The following MTCL1 variants were observed in gnomAD, a reference collection of about 807,000 sequenced individuals.
The protein encoded by MTCL1 is microtubule cross-linking factor 1.
Under a neutral mutation model 141.4 loss-of-function variants are expected in MTCL1, and 79 were observed. The ratio of observed to expected loss-of-function variants is 0.56; its 90% confidence interval spans 0.47 to 0.67. The LOEUF (loss-of-function observed/expected upper bound fraction) is 0.67, where lower values mean the gene tolerates loss of function less well. Ranked by LOEUF, MTCL1 falls within the 30% of genes least tolerant of loss-of-function variation. The pLI, the probability that MTCL1 is intolerant of heterozygous loss-of-function variation, is 0.00. For missense variants in MTCL1, 2,177 were observed against 2,113.9 expected (o/e 1.03, Z -0.59); for synonymous variants, 914 against 875.8 (o/e 1.04, Z -0.77).
intron 5 of MTCL1, among the ~76,000 whole-genome samples, chr18:8,782,984 G>A (rs2096537806): frequency 6.6e-6 from 1 of 152,168 alleles, no homozygotes; most frequent in South Asian, 2.1e-4. Flanking sequence ...TCTCATTTGG[G>A]GTGGCCTGAC....
At chr18:8,807,162 CTTGTCCAGG>C in intron 11 of MTCL1, 102 bp downstream of exon 10, 4 of 1,243,150 alleles carry the variant, frequency 3.2e-6, no homozygotes, top group Admixed American at 5.3e-5. Flanking sequence ...CCATGGGCTT[CTTGTCCAGG>C]AAAAAAAGAG....
intron 4 of MTCL1, among the ~76,000 whole-genome samples, chr18:8,738,007 T>G (rs539486163): frequency 6.6e-6 from 1 of 152,332 alleles, no homozygotes; most frequent in South Asian, 2.1e-4. Context: ...GATTTCTCCT[T>G]CAATAGTATT....
chr18:8,739,719 T>C (rs1166496810), intron 4 of MTCL1, among the ~76,000 whole-genome samples: 3 of 92,078 alleles, frequency 3.3e-5, no homozygotes, highest in Non-Finnish European at 2.1e-5. Context: ...GGAGATTGTT[T>C]TGTTTGTTTG....
chr18:8,716,745 A>AT (rs573676660), upstream of MTCL1, among the ~76,000 whole-genome samples: 39 of 151,084 alleles, frequency 2.6e-4, no homozygotes, highest in East Asian at 7.8e-4. Context: ...TATAGGAGAG[A>AT]TTTTTTTTTC....
chr18:8,745,635 G>A (rs1046077961), intron 4 of MTCL1, among the ~76,000 whole-genome samples: 1 of 152,150 alleles, frequency 6.6e-6, no homozygotes, highest in Non-Finnish European at 1.5e-5. Context: ...CGGTGCCCAC[G>A]TGCAGCAAGT....
chr18:8,792,234 T>A (rs191562552), intron 7 of MTCL1, among the ~76,000 whole-genome samples: 1 of 152,262 alleles, frequency 6.6e-6, no homozygotes, highest in Non-Finnish European at 1.5e-5. Flanking sequence ...CTGAGATTTT[T>A]AGCATAAGAG....
Position 8,779,256 on chromosome 18 carries a change from C to G in MTCL1, c.417+1364C>G, listed in dbSNP as rs2096524618. Among the ~76,000 whole-genome samples, 1 of 152,110 alleles carries G rather than the reference C, an allele frequency of 6.6e-6. No homozygotes were observed. The highest frequency in any genetic ancestry group is 2.1e-4 in the South Asian group (1 of 4,814). Reference sequence around the variant, plus strand: ...GATGGTGGTGGGCCCCTGGGTGTCTCCCCTCCTGGCCATGCCTGCCCTCTG... The same window carrying G: ...GATGGTGGTGGGCCCCTGGGTGTCTGCCCTCCTGGCCATGCCTGCCCTCTG... On this transcript the variant is annotated intron_variant, in intron 5 of 16. Coordinates refer to ENST00000359865, the Ensembl canonical transcript of MTCL1. The surrounding 1 kb of genome is among the most constrained non-coding windows in gnomAD (Gnocchi z 4.1).
rs575149143 is a variant in MTCL1 at position 8,709,260 on chromosome 18, A to G, written c.1053+2547A>G. ...CAGGCTGGAGTGCAGTGGCATGATC[A>G]TAGCTCACTACAACCTTGAACCCGT... On this transcript the variant is annotated intron_variant, in intron 1 of 13. Coordinates refer to the MTCL1 transcript ENST00000306329. 1.2e-4 allele frequency among the ~76,000 whole-genome samples: 18 copies of G among 151,980 alleles called. No individual in the cohort carries two copies. The East Asian group carries it at 2.9e-3, about 25-fold the overall frequency.
At chr18:8,736,919 C>T (rs766565136) in intron 4 of MTCL1, among the ~76,000 whole-genome samples, 24 of 152,166 alleles carry the variant, frequency 1.6e-4, no homozygotes, top group Non-Finnish European at 2.6e-4. Flanking sequence ...GGATTACAGG[C>T]GTGAGCCACT....
Position 8,705,998 on chromosome 18 carries a change from C to T in MTCL1, c.338C>T (p.Pro113Leu), listed in dbSNP as rs2096057415. The T allele has an allele frequency of 1.7e-6, 2 of 1,153,564 alleles. No homozygotes were observed. The highest frequency in any genetic ancestry group is 2.1e-6 in the Non-Finnish European group (2 of 939,210). 71.5% of individuals were successfully genotyped at this position (1,153,564 alleles called of 1,614,324 possible). A position where few individuals can be genotyped will look rare whatever the true frequency, so the allele number is the denominator to read the frequency against. Residue 113 changes from proline (P) to leucine (L), a missense_variant, in exon 1 of 14, where the codon CCG (proline) becomes CTG (leucine). Pro to Leu is a moderately conservative substitution (Grantham distance 98). Coordinates refer to the MTCL1 transcript ENST00000306329. This position sits in a 1 kb window ranked among gnomAD's most constrained non-coding sequence, Gnocchi z 5.2. ...CCGGGCGCGAAGGACAAGCCCCCGC[C>T]GGGCGCCGGGGCCAGAGCGGCGGGC...
At chr18:8,829,352 T>C in intron 16 of MTCL1, 1 of 985,384 alleles carries the variant, frequency 1.0e-6, no homozygotes, top group Non-Finnish European at 1.2e-6. Flanking sequence ...AACATTTTGG[T>C]TATACGTGCA....
chr18:8,715,175 A>G (rs188249082), upstream of MTCL1, among the ~76,000 whole-genome samples: 22 of 152,208 alleles, frequency 1.4e-4, no homozygotes, highest in Admixed American at 9.2e-4. Flanking sequence ...GGTCTGCTCA[A>G]TGATGTGGAG....
chr18:8,709,235 C>T (rs2096073971), intron 1 of MTCL1, among the ~76,000 whole-genome samples: 2 of 152,018 alleles, frequency 1.3e-5, no homozygotes, highest in Admixed American at 6.6e-5. Context: ...CTCCGTGGCC[C>T]AGGCTGGAGT....
At chr18:8,760,890 A>G (rs193226904) in intron 4 of MTCL1, among the ~76,000 whole-genome samples, 2 of 152,384 alleles carry the variant, frequency 1.3e-5, no homozygotes, top group Admixed American at 1.3e-4. Context: ...GGATTGAGAA[A>G]TGATGACTTC....
chr18:8,769,546 A>G (rs1035253426), intron 4 of MTCL1, among the ~76,000 whole-genome samples: 5 of 152,242 alleles, frequency 3.3e-5, no homozygotes, highest in African/African-American at 1.2e-4. Context: ...AAAATGAGCC[A>G]ACCAGCTCAT....
At chr18:8,714,177 G>A (rs932582212), upstream of MTCL1, among the ~76,000 whole-genome samples, 2 of 152,218 alleles carry the variant, frequency 1.3e-5, no homozygotes, top group Non-Finnish European at 2.9e-5. Flanking sequence ...TCGAAAGAGT[G>A]TGTGATTGAA....
At chr18:8,725,790 C>CTTTTTTTTTTTT (rs796484848) in intron 4 of MTCL1, among the ~76,000 whole-genome samples, 14 of 61,084 alleles carry the variant, frequency 2.3e-4, no homozygotes, top group East Asian at 1.2e-3. Flanking sequence ...TTTTTTTTTT[C>CTTTTTTTTTTTT]TTTTTTTTTT....
chr18:8,722,260 G>A (rs1972607), intron 4 of MTCL1, among the ~76,000 whole-genome samples: 40,244 of 151,982 alleles, frequency 0.26, 6,706 homozygotes, highest in Admixed American at 0.41. Context: ...TTGGAGGTGC[G>A]GGGGTCACCT....
At chr18:8,796,148 G>A in intron 8 of MTCL1, 84 bp from the exon 8 acceptor site, 4 of 1,321,694 alleles carry the variant, frequency 3.0e-6, no homozygotes, top group Non-Finnish European at 4.3e-6. Flanking sequence ...GAGACTGAGT[G>A]GCAGTTTGCA....
Sources: allele counts gnomAD v4.1 joint callset (sites outside exome capture counted in the v4.1 genomes callset), GRCh38; gene constraint gnomAD v4.1.1; non-coding constraint Gnocchi (gnomAD v3.1); transcripts MANE v1.5; gene names NCBI Gene and HGNC (gene_info 2026-07-23, HGNC 2026-07-21).